ZBTB44: variants seen among roughly 807,000 people sequenced by gnomAD.
ZBTB44 encodes the protein zinc finger and BTB domain containing 44, also known as zinc finger and BTB domain-containing protein 44.
A neutral mutation model predicts 54.0 loss-of-function variants in ZBTB44; 15 were observed. The ratio of observed to expected loss-of-function variants is 0.28; its 90% CI spans 0.19 to 0.43. The LOEUF (loss-of-function observed/expected upper bound fraction) is 0.43. Ranked by LOEUF, ZBTB44 falls within the 20% of genes least tolerant of loss-of-function variation. The pLI, the probability that ZBTB44 is intolerant of heterozygous loss-of-function variation, is 1.00. For missense variants in ZBTB44, 487 were observed against 707.1 expected, an observed-to-expected ratio of 0.69 and a Z score of 3.53; for synonymous variants, 230 against 250.1, an observed-to-expected ratio of 0.92 and a Z score of 0.76.
chr11:130,254,789 G>C (rs1027417980), intron 2 of ZBTB44, among the ~76,000 whole-genome samples: 2 of 152,050 alleles, frequency 1.3e-5, no homozygotes, highest in African/African-American at 4.8e-5. Flanking sequence ...TGTTTATTGT[G>C]GCACTATTCA....
intron 1 of ZBTB44, among the ~76,000 whole-genome samples, chr11:130,280,276 A>G (rs907590673): frequency 1.7e-4 from 26 of 152,354 alleles, no homozygotes; most frequent in African/African-American, 6.0e-4. Flanking sequence ...CATGATCTCA[A>G]TGTAGTCTGT....
chr11:130,306,580 A>G (rs1942276261), intron 1 of ZBTB44, among the ~76,000 whole-genome samples: 1 of 152,200 alleles, frequency 6.6e-6, no homozygotes, highest in Non-Finnish European at 1.5e-5. Flanking sequence ...AAAAGAAAAG[A>G]AGTCATTATG....
chr11:130,251,845 TA>T (rs1371460345), intron 2 of ZBTB44, among the ~76,000 whole-genome samples: 2 of 152,218 alleles, frequency 1.3e-5, no homozygotes, highest in East Asian at 3.9e-4. Context: ...AATGACATTA[TA>T]AAGAAACTGC....
chr11:130,296,109 G>A (rs1392470249), intron 1 of ZBTB44: 4 of 1,555,792 alleles, frequency 2.6e-6, no homozygotes, highest in Non-Finnish European at 3.5e-6. Flanking sequence ...TTAAACTTTT[G>A]CCAACATGTA....
intron 4 of ZBTB44, among the ~76,000 whole-genome samples, chr11:130,237,337 C>A (rs1025095275): frequency 2.6e-5 from 4 of 152,134 alleles, no homozygotes; most frequent in African/African-American, 9.7e-5. Flanking sequence ...TCTACTGAAG[C>A]TGATTTTTGA....
Position 130,262,017 on chromosome 11 carries a change from A to C in ZBTB44, c.-56-88T>G, listed in dbSNP as rs1222175521. 3 of 991,488 alleles carry C rather than the reference A, an allele frequency of 3.0e-6. No homozygotes were observed. In the African/African-American group the frequency reaches 4.9e-5, roughly 16 times the overall value. 61.4% of individuals were successfully genotyped at this position (991,488 alleles called of 1,614,324 possible). The stretch of plus-strand genomic sequence containing the variant: ...CATTTTCATGTGGCCACTGTACTAA[A>C]TTAAAAAGCTGAAAGATGGTAGTGA... On this transcript the variant is annotated intron_variant, in intron 1 of 7. Coordinates refer to ENST00000357899, the MANE Select transcript of ZBTB44 (RefSeq NM_001301098.2).
At chr11:130,266,854 G>A (rs1372082408) in intron 1 of ZBTB44, among the ~76,000 whole-genome samples, 1 of 152,206 alleles carries the variant, frequency 6.6e-6, no homozygotes, top group Non-Finnish European at 1.5e-5. Flanking sequence ...TCCTGGTGAA[G>A]ATACTAGGAA....
At chr11:130,287,713 A>G (rs1247568333) in intron 1 of ZBTB44, among the ~76,000 whole-genome samples, 1 of 152,170 alleles carries the variant, frequency 6.6e-6, no homozygotes, top group African/African-American at 2.4e-5. Context: ...ATGATTGGAG[A>G]AATGGAAAAA....
chr11:130,269,805 A>G (rs1401802746), intron 1 of ZBTB44, among the ~76,000 whole-genome samples: 1 of 152,154 alleles, frequency 6.6e-6, no homozygotes, highest in Non-Finnish European at 1.5e-5. Flanking sequence ...TTCTCATCTG[A>G]AAAACAGGAA....
chr11:130,273,307 A>ATTTTTTTTTTTTTT (rs34506406), intron 1 of ZBTB44, among the ~76,000 whole-genome samples: 1 of 126,314 alleles, frequency 7.9e-6, no homozygotes, highest in Non-Finnish European at 1.6e-5. Context: ...TATTTTCTTA[A>ATTTTTTTTTTTTTT]TTTTTTTTTT....
Position 130,228,682 on chromosome 11 carries a change from A to T in ZBTB44, c.*3082T>A, listed in dbSNP as rs1953769624. On this transcript the variant is annotated 3_prime_UTR_variant, in exon 8 of 8. Coordinates refer to ENST00000357899, the MANE Select transcript of ZBTB44 (RefSeq NM_001301098.2). Reference sequence around the variant, plus strand: ...GGTGATGTACTTTGGTAACCTCAACATTCATTTATGGGATGATTTTTCATC... The same window carrying T: ...GGTGATGTACTTTGGTAACCTCAACTTTCATTTATGGGATGATTTTTCATC... The T allele has an allele frequency of 6.6e-6, 1 of 152,174 alleles. No homozygotes were observed. The highest frequency in any genetic ancestry group is 2.4e-5 in the African/African-American group (1 of 41,444). 9.4% of individuals were successfully genotyped at this position (152,174 alleles called of 1,614,324 possible). A position where few individuals can be genotyped will look rare whatever the true frequency, so the allele number is the denominator to read the frequency against.
At chr11:130,277,138 T>C (rs1180874181) in intron 1 of ZBTB44, among the ~76,000 whole-genome samples, 1 of 152,250 alleles carries the variant, frequency 6.6e-6, no homozygotes, top group South Asian at 2.1e-4. Context: ...TTTAATGTTA[T>C]TTGTATAGTT....
chr11:130,292,213 C>T (rs923839649), intron 1 of ZBTB44, among the ~76,000 whole-genome samples: 8 of 152,112 alleles, frequency 5.3e-5, no homozygotes, highest in African/African-American at 1.9e-4. Flanking sequence ...CGAATAAAGC[C>T]GCTATGCACA....
rs75014606 is a variant in ZBTB44, at chr11:130,261,042, T to C, written c.832A>G (p.Thr278Ala). 2.4e-3 allele frequency: 3,937 copies of C among 1,613,992 alleles called. 87 individuals are homozygous for C. The African/African-American group carries it at 0.046, about 19-fold the overall frequency. ...DYVTCESTKT[T>A]LPLGTEEDVR... The stretch of plus-strand genomic sequence containing the variant: ...TCTTCTTCGGTACCTAAAGGCAAGG[T>C]AGTTTTTGTGCTCTCACAAGTCACA... Residue 278 changes from threonine to alanine, a missense_variant, in exon 2 of 8, where the codon ACC becomes GCC. Physicochemically the swap from Thr to Ala is moderately conservative, Grantham distance 58 (BLOSUM62 0). Coordinates refer to ENST00000357899, the MANE Select transcript of ZBTB44 (RefSeq NM_001301098.2). The surrounding 1 kb of genome is among the most constrained non-coding windows in gnomAD (Gnocchi z 4.8).
At position 130,234,292 on chromosome 11, in the gene ZBTB44, A is replaced by C; in HGVS notation, c.1569-19T>G. On this transcript the variant is annotated intron_variant, in intron 5 of 7. Transcript: ENST00000357899. The stretch of plus-strand genomic sequence containing the variant: ...GAAATCACTAGATAAGAGGCAAAGG[A>C]TGAAATATGGAATTAATTTTCAAAC... 1 of 1,511,840 alleles carries C rather than the reference A, an allele frequency of 6.6e-7. No homozygotes were observed. Among genetic ancestry groups the C allele is most frequent in the Non-Finnish European group, 8.9e-7 (1 of 1,128,938 alleles). The allele number at this position is 1,511,840 out of a possible 1,614,324, so 93.7% of individuals were successfully genotyped here.
intron 1 of ZBTB44, among the ~76,000 whole-genome samples, chr11:130,288,727 GTC>G (rs769993897): frequency 9.2e-5 from 14 of 151,756 alleles, no homozygotes; most frequent in Non-Finnish European, 1.9e-4. Context: ...GTGAAACCCT[GTC>G]TCTACTAAAA....
chr11:130,287,454 G>A (rs577004200), intron 1 of ZBTB44, among the ~76,000 whole-genome samples: 91 of 152,234 alleles, frequency 6.0e-4, no homozygotes, highest in Non-Finnish European at 1.2e-3. Context: ...TAGTTTTGAG[G>A]TATATTACTA....
chr11:130,244,474 T>C (rs1371784306), intron 2 of ZBTB44, among the ~76,000 whole-genome samples: 1 of 152,082 alleles, frequency 6.6e-6, no homozygotes, highest in Non-Finnish European at 1.5e-5. Context: ...CAGACCATCC[T>C]GGCTAACACG....
chr11:130,312,949 G>A (rs182635213), intron 1 of ZBTB44, among the ~76,000 whole-genome samples: 1 of 152,198 alleles, frequency 6.6e-6, no homozygotes, highest in Non-Finnish European at 1.5e-5. Context: ...TACAGAGAAA[G>A]ACAGGAAACA....
Sources: gnomAD v4.1 joint callset for allele counts (sites outside exome capture counted in the v4.1 genomes callset) on GRCh38, gnomAD v4.1.1 for gene constraint, Gnocchi (gnomAD v3.1) non-coding constraint, MANE v1.5 for transcripts, NCBI Gene and HGNC (gene_info 2026-07-23, HGNC 2026-07-21) for gene names.